CACNA1B: variants seen among roughly 807,000 people sequenced by gnomAD.
CACNA1B encodes voltage-dependent N-type calcium channel subunit alpha-1B.
In CACNA1B, 70 loss-of-function variants were observed where a neutral mutation model predicts 247.2. That is an observed-to-expected ratio of 0.28 (90% CI 0.23 to 0.35). The LOEUF is 0.35. Among genes scored for constraint, CACNA1B ranks in the 10% least tolerant of loss-of-function variants. The pLI, the probability that CACNA1B is intolerant of heterozygous loss-of-function variation, is 1.00. For missense variants in CACNA1B, 2,367 were observed against 3,197.4 expected, an observed-to-expected ratio of 0.74 and a Z score of 6.26; for synonymous variants, 1,231 against 1,294.4, an observed-to-expected ratio of 0.95 and a Z score of 1.05.
chr9:137,984,314 A>G (rs1242621935), intron 13 of CACNA1B, 64 bp downstream of exon 13: 8 of 1,162,958 alleles, frequency 6.9e-6, no homozygotes, highest in Non-Finnish European at 7.5e-6. Context: ...GATCAGCCAC[A>G]CAGGGTGCTT....
intron 15 of CACNA1B, among the ~76,000 whole-genome samples, chr9:138,000,045 A>G (rs1250878885): frequency 2.0e-5 from 3 of 152,144 alleles, no homozygotes; most frequent in African/African-American, 7.2e-5. Flanking sequence ...TTTTAATTCC[A>G]AAAGAATACT....
rs150753456 is a variant in CACNA1B, at chr9:138,007,886, C to T, written c.2092+1002C>T. Among the ~76,000 whole-genome samples, 17 of 152,318 alleles carry T rather than the reference C, an allele frequency of 1.1e-4. No homozygotes were observed. In the East Asian group the frequency reaches 2.7e-3, roughly 24 times the overall value. ...GTCCTCGTCTCTGCCTCACTGGTGC[C>T]GGTGCCCTCAGTGCCCTTGCAGACT... On this transcript the variant is annotated intron_variant, in intron 16 of 46. Coordinates refer to ENST00000371372, the MANE Select transcript of CACNA1B (RefSeq NM_000718.4). This position sits in a 1 kb window ranked among gnomAD's most constrained non-coding sequence, Gnocchi z 4.1.
chr9:137,915,967 C>G (rs1184819726), intron 5 of CACNA1B, among the ~76,000 whole-genome samples: 1 of 151,954 alleles, frequency 6.6e-6, no homozygotes, highest in African/African-American at 2.4e-5. Flanking sequence ...TATTTGCTTT[C>G]CAGCTGAGCA....
intron 46 of CACNA1B, 77 bp downstream of exon 46, chr9:138,120,958 C>T (rs1564299288): frequency 6.8e-7 from 1 of 1,472,384 alleles, no homozygotes; most frequent in Admixed American, 2.6e-5. Context: ...AGGCTCCTGC[C>T]TCTCCCCAGG....
Position 137,952,429 on chromosome 9 carries a change from G to C in CACNA1B, c.1070+52G>C. The C allele has an allele frequency of 7.1e-7, 1 of 1,416,346 alleles. No homozygotes were observed. Among genetic ancestry groups the C allele is most frequent in the Non-Finnish European group, 1.0e-6 (1 of 1,001,314 alleles). 87.7% of individuals were successfully genotyped at this position (1,416,346 alleles called of 1,614,324 possible). A position where few individuals can be genotyped will look rare whatever the true frequency, so the allele number is the denominator to read the frequency against. On this transcript the variant is annotated intron_variant, in intron 7 of 46. Transcript: ENST00000371372. The surrounding 1 kb of genome is among the most constrained non-coding windows in gnomAD (Gnocchi z 4.8). ...GGTGCCCCTCTGTGTTCTCAGCTGA[G>C]GGGTCAACAGGGGCACGTGTGACAC... is the stretch of plus-strand genomic sequence containing the variant.
intron 36 of CACNA1B, among the ~76,000 whole-genome samples, chr9:138,088,354 G>A (rs1448710691): frequency 6.6e-6 from 1 of 151,020 alleles, no homozygotes; most frequent in African/African-American, 2.4e-5. Context: ...GGGTGACAAA[G>A]CCAGACTCTG....
intron 15 of CACNA1B, among the ~76,000 whole-genome samples, chr9:138,001,073 A>G (rs1293737428): frequency 6.6e-6 from 1 of 152,164 alleles, no homozygotes; most frequent in Non-Finnish European, 1.5e-5. Flanking sequence ...AATCAGCTGC[A>G]TATATTAAAA....
In CACNA1B at chr9:138,050,649, C is replaced by A. The variant is rs56044639; in HGVS notation, c.3710+1334C>A. Reference sequence around the variant, plus strand: ...GAAGGGGTTGGGCCCATCCAGGCGGCTTCAGAGCAGGAGAAAAGGAGCAGG... The same window carrying A: ...GAAGGGGTTGGGCCCATCCAGGCGGATTCAGAGCAGGAGAAAAGGAGCAGG... On this transcript the variant is annotated intron_variant, in intron 24 of 46. Transcript: ENST00000371372. The surrounding 1 kb of genome is among the most constrained non-coding windows in gnomAD (Gnocchi z 5.2). 4.6e-5 allele frequency among the ~76,000 whole-genome samples: 7 copies of A among 152,204 alleles called. No individual in the cohort carries two copies. In the East Asian group the frequency reaches 1.3e-3, roughly 29 times the overall value.
rs551405755 is a variant in CACNA1B, at chr9:138,023,723, A to G, written c.2980A>G (p.Lys994Glu). 148 of 1,010,638 alleles carry G rather than the reference A, an allele frequency of 1.5e-4. 1 individual carries two copies. Among genetic ancestry groups the G allele is most frequent in the African/African-American group, 2.3e-4 (3 of 12,990 alleles). 62.6% of individuals were successfully genotyped at this position (1,010,638 alleles called of 1,614,324 possible). Residue 994 changes from lysine (K) to glutamate (E), a missense_variant, in exon 19 of 47, where the codon AAG becomes GAG. Lys to Glu is a moderately conservative substitution (Grantham distance 56). Transcript: ENST00000371372. The part of the protein sequence containing the change: ...KAQPAHEAVE[K>E]ETTEKEATEK... ...GCAGCCTGCTCACGAGGCTGTGGAG[A>G]AGGAGACCACGGAGAAGGAGGCCAC...
At chr9:138,082,639 C>A (rs1277186101) in intron 36 of CACNA1B, among the ~76,000 whole-genome samples, 1 of 151,204 alleles carries the variant, frequency 6.6e-6, no homozygotes, top group African/African-American at 2.4e-5. Flanking sequence ...TATAAGGAGG[C>A]AGCTTTAGGC....
At chr9:137,983,213 C>G (rs768278498) in intron 12 of CACNA1B, among the ~76,000 whole-genome samples, 7 of 152,212 alleles carry the variant, frequency 4.6e-5, no homozygotes, top group Non-Finnish European at 1.0e-4. Flanking sequence ...TTTGAATTCT[C>G]CACACCAGTT....
At chr9:137,997,519 T>C (rs118171672) in intron 15 of CACNA1B, among the ~76,000 whole-genome samples, 4,923 of 152,238 alleles carry the variant, frequency 0.032, 135 homozygotes, top group Non-Finnish European at 0.049. Flanking sequence ...ACAAATGATG[T>C]AGTATGAAAG....
chr9:137,979,955 A>G (rs566639971), intron 12 of CACNA1B, among the ~76,000 whole-genome samples: 24 of 152,354 alleles, frequency 1.6e-4, no homozygotes, highest in Non-Finnish European at 2.5e-4. Flanking sequence ...TCTGAAATCC[A>G]GCTGGGCACA....
rs756428122 is a variant in CACNA1B, at chr9:138,120,741, C to T, written c.6349C>T (p.Pro2117Ser). 1.3e-6 allele frequency: 2 copies of T among 1,545,958 alleles called. No homozygotes were observed. The highest frequency in any genetic ancestry group is 1.2e-5 in the South Asian group (1 of 83,562). ...GGGCCGGTCCCAGGAGCGGAGGCAG[C>T]CCTCATCCTCCTCCTCGGAGAAGCA... The part of the protein sequence containing the change: ...ERGRSQERRQ[P>S]SSSSSEKQRF... Residue 2117 changes from proline to serine, a missense_variant, in exon 46 of 47, where the codon CCC (proline) becomes TCC (serine). Physicochemically the swap from Pro to Ser is moderately conservative, Grantham distance 74. Around this residue, in one of 12 missense-constraint regions of CACNA1B, gnomAD observed 773 missense variants for 779.4 expected, o/e 0.99. Coordinates refer to ENST00000371372, the MANE Select transcript of CACNA1B (RefSeq NM_000718.4).
chr9:138,020,165 T>C lies in CACNA1B; in HGVS notation c.2268-2846T>C, dbSNP rs1958826629. ...GGTGTCACACCAGGGCTGCTTCATA[T>C]TGTCAGCAGTTCCGGGTTGTCTGAG... On this transcript the variant is annotated intron_variant, in intron 18 of 46. Transcript: ENST00000371372. The surrounding 1 kb of genome is among the most constrained non-coding windows in gnomAD (Gnocchi z 4.1). 6.6e-6 allele frequency among the ~76,000 whole-genome samples: 1 copy of C among 151,038 alleles called. No homozygotes were observed. Among genetic ancestry groups the C allele is most frequent in the African/African-American group, 2.4e-5 (1 of 40,984 alleles).
At position 137,986,382 on chromosome 9, in the gene CACNA1B, G is replaced by T; in HGVS notation, c.1770-31G>T. The T allele has an allele frequency of 6.2e-7, 1 of 1,611,768 alleles. No homozygotes were observed. Among genetic ancestry groups the T allele is most frequent in the Non-Finnish European group, 8.5e-7 (1 of 1,179,036 alleles). On this transcript the variant is annotated intron_variant, in intron 13 of 46. Coordinates refer to ENST00000371372, the MANE Select transcript of CACNA1B (RefSeq NM_000718.4). The surrounding 1 kb of genome is among the most constrained non-coding windows in gnomAD (Gnocchi z 6.0). ...CATGAATGTGAAGTCAGCGTCTGGA[G>T]CTGGCTCAGACCCCCTGCCTGGCCC...
At position 137,986,651 on chromosome 9, in the gene CACNA1B, A is replaced by T; in HGVS notation, c.1901+107A>T. On this transcript the variant is annotated intron_variant, in intron 14 of 46. Coordinates refer to ENST00000371372, the MANE Select transcript of CACNA1B (RefSeq NM_000718.4). This position sits in a 1 kb window ranked among gnomAD's most constrained non-coding sequence, Gnocchi z 6.0. ...GCCTCCACCCACCTTCCCACCAGGAAGGTCCTCAGAGGGGCCAGTGTGCAG... is the reference window on the plus strand; with the variant it reads ...GCCTCCACCCACCTTCCCACCAGGATGGTCCTCAGAGGGGCCAGTGTGCAG... 6.9e-7 allele frequency: 1 copy of T among 1,453,426 alleles called. No homozygotes were observed. Among genetic ancestry groups the T allele is most frequent in the African/African-American group, 1.4e-5 (1 of 71,846 alleles). The allele number at this position is 1,453,426 out of a possible 1,614,324, so 90.0% of individuals were successfully genotyped here.
rs939387114 is a variant in CACNA1B at position 137,881,438 on chromosome 9, G to T, written c.391-1306G>T. On this transcript the variant is annotated intron_variant, in intron 2 of 46. Coordinates refer to ENST00000371372, the MANE Select transcript of CACNA1B (RefSeq NM_000718.4). The surrounding 1 kb of genome is among the most constrained non-coding windows in gnomAD (Gnocchi z 4.3). Reference sequence around the variant, plus strand: ...GGAGGAAGGCACAGGCTGTGGAACTGGTGGCACTCACCTCACCTGGCAGCT... The same window carrying T: ...GGAGGAAGGCACAGGCTGTGGAACTTGTGGCACTCACCTCACCTGGCAGCT... Among the ~76,000 whole-genome samples the T allele has an allele frequency of 6.6e-6, 1 of 152,166 alleles. No individual in the cohort carries two copies. The highest frequency in any genetic ancestry group is 1.5e-5 in the Non-Finnish European group (1 of 68,030).
chr9:138,017,746 C>A (rs567481297), intron 18 of CACNA1B, among the ~76,000 whole-genome samples: 1 of 152,222 alleles, frequency 6.6e-6, no homozygotes, highest in Non-Finnish European at 1.5e-5. Flanking sequence ...AAGGCAGAGA[C>A]ACGGAAACTC....
Sources: allele counts gnomAD v4.1 joint callset (sites outside exome capture counted in the v4.1 genomes callset), GRCh38; gene constraint gnomAD v4.1.1; regional missense constraint gnomAD v4.1.1; non-coding constraint Gnocchi (gnomAD v3.1); transcripts MANE v1.5; gene names NCBI Gene and HGNC (gene_info 2026-07-23, HGNC 2026-07-21).